Variants in NECTIN2 observed in about 807,000 individuals in gnomAD.
The protein encoded by NECTIN2 is nectin cell adhesion molecule 2.
In NECTIN2, 23 loss-of-function variants were observed where a neutral mutation model predicts 56.9. That is an observed-to-expected ratio of 0.40 (90% CI 0.29 to 0.57). The LOEUF (loss-of-function observed/expected upper bound fraction) is 0.57. NECTIN2 is among the 20% of genes least tolerant of loss of function. The probability of loss-of-function intolerance (pLI) is 0.38; values close to 1 mark genes in which losing one functional copy is unlikely to be tolerated. For synonymous variants in NECTIN2, 302 were observed against 313.8 expected, an observed-to-expected ratio of 0.96 and a Z score of 0.40; for missense variants, 587 against 718.3, an observed-to-expected ratio of 0.82 and a Z score of 2.09.
Position 44,858,473 on chromosome 19 carries a change from C to T in NECTIN2, c.89-6798C>T, listed in dbSNP as rs2122644545. On this transcript the variant is annotated intron_variant, in intron 1 of 8. Coordinates refer to ENST00000252483, the MANE Select transcript of NECTIN2 (RefSeq NM_001042724.2). ...AAGTAGCTGGGAATACAGGGGCCCG[C>T]CACCACGCCCAGCTAATTTTTGTAT... 1.3e-5 allele frequency among the ~76,000 whole-genome samples: 2 copies of T among 152,214 alleles called. 1 individual carries two copies. Among genetic ancestry groups the T allele is most frequent in the Middle Eastern group, 6.8e-3 (2 of 294 alleles).
intron 1 of NECTIN2, among the ~76,000 whole-genome samples, chr19:44,860,674 T>G (rs1969021665): frequency 6.6e-6 from 1 of 151,868 alleles, no homozygotes; most frequent in Non-Finnish European, 1.5e-5. Flanking sequence ...TCTCACTTTA[T>G]CACCCAAGCT....
rs1473352674 is a variant in NECTIN2, at chr19:44,865,123, G to A, written c.89-148G>A. On this transcript the variant is annotated intron_variant, in intron 1 of 8. Transcript: ENST00000252483. The surrounding 1 kb of genome is among the most constrained non-coding windows in gnomAD (Gnocchi z 5.2). ...TTCCCTAAAATGTCTTTTCCAGGTG[G>A]CTTTTTTGGAATCAGGATGCTGCGA... is the stretch of plus-strand genomic sequence containing the variant. The A allele has an allele frequency of 2.7e-6, 2 of 753,562 alleles. No homozygotes were observed. The highest frequency in any genetic ancestry group is 4.3e-6 in the Non-Finnish European group (2 of 467,266). The allele number at this position is 753,562 out of a possible 1,614,324, so 46.7% of individuals were successfully genotyped here.
intron 1 of NECTIN2, among the ~76,000 whole-genome samples, chr19:44,863,907 A>C (rs1289660094): frequency 1.3e-5 from 2 of 151,412 alleles, no homozygotes; most frequent in African/African-American, 2.4e-5. Context: ...TAGGAAGGTG[A>C]GAGAAAGTAT....
Position 44,850,917 on chromosome 19 carries a change from T to A in NECTIN2, c.88+4304T>A, listed in dbSNP as rs2122626372. On this transcript the variant is annotated intron_variant, in intron 1 of 8. Coordinates refer to ENST00000252483, the MANE Select transcript of NECTIN2 (RefSeq NM_001042724.2). ...ACGTGCCTTGCCATGGGAGGCTGGG[T>A]CGCTGTGCTTTATAGATCTGCGGGG... 2.6e-5 allele frequency among the ~76,000 whole-genome samples: 4 copies of A among 152,202 alleles called. No homozygotes were observed. In the South Asian group the frequency reaches 8.3e-4, roughly 32 times the overall value.
At position 44,871,917 on chromosome 19, in the gene NECTIN2, C is replaced by T; in HGVS notation, c.543C>T (p.Ala181=). Residue 181 remains alanine, a synonymous_variant, in exon 3 of 9, where the codon GCC becomes GCT. Coordinates refer to ENST00000252483, the MANE Select transcript of NECTIN2 (RefSeq NM_001042724.2). ...VTFSQDPTTV[A]LCISKEGRPP... is the part of the protein sequence containing the mutation. ...TCAGCCAGGACCCTACGACAGTGGC[C>T]CTCTGCATCTCCAAAGAGGGCCGCC... 6.2e-7 allele frequency: 1 copy of T among 1,614,186 alleles called. No individual in the cohort carries two copies.
rs535874434 is a variant in NECTIN2 at position 44,874,632 on chromosome 19, C to T, written c.1042+154C>T. 1 of 919,796 alleles carries T rather than the reference C, an allele frequency of 1.1e-6. No homozygotes were observed. The highest frequency in any genetic ancestry group is 1.6e-6 in the Non-Finnish European group (1 of 614,036). The allele number at this position is 919,796 out of a possible 1,614,324, so 57.0% of individuals were successfully genotyped here. On this transcript the variant is annotated intron_variant, in intron 5 of 8. Transcript: ENST00000252483. The surrounding 1 kb of genome is among the most constrained non-coding windows in gnomAD (Gnocchi z 6.3). The stretch of plus-strand genomic sequence containing the variant: ...TGAGGGGAGATGAGGGTTGGCCTTC[C>T]CCTCGTGGCCTCAGACTGGGGTCTG...
Position 44,846,930 on chromosome 19 carries a change from G to A in NECTIN2, c.88+317G>A, listed in dbSNP as rs570648823. Among the ~76,000 whole-genome samples, 6 of 151,944 alleles carry A rather than the reference G, an allele frequency of 3.9e-5. No individual in the cohort carries two copies. In the South Asian group the frequency reaches 6.3e-4, roughly 16 times the overall value. Reference sequence around the variant, plus strand: ...GCCGAAAGGGTTAAATCCCAGGAAGGCCTGGTGCCCCCTCCCCACCCCGCG... The same window carrying A: ...GCCGAAAGGGTTAAATCCCAGGAAGACCTGGTGCCCCCTCCCCACCCCGCG... On this transcript the variant is annotated intron_variant, in intron 1 of 8. Coordinates refer to ENST00000252483, the MANE Select transcript of NECTIN2 (RefSeq NM_001042724.2).
chr19:44,881,990 G>GT (rs1969312962), intron 5 of NECTIN2: 1 of 389,428 alleles, frequency 2.6e-6, no homozygotes, highest in Non-Finnish European at 4.5e-6. Flanking sequence ...TTCCATGAAG[G>GT]TAGACACTTT....
intron 2 of NECTIN2, among the ~76,000 whole-genome samples, chr19:44,868,577 A>G (rs1599918795): frequency 6.7e-6 from 1 of 149,456 alleles, no homozygotes; most frequent in Admixed American, 6.8e-5. Flanking sequence ...CATAGCTGGG[A>G]TTACAGGCAT....
At position 44,872,149 on chromosome 19, in the gene NECTIN2, T is replaced by C. The variant is rs773657977; in HGVS notation, c.775T>C (p.Tyr259His). ...ALIPVTLSVR[Y>H]PPEVSISGYD... ...GATACCTGTGACCCTCTCTGTACGC[T>C]GTGAGTGTATCGGGGGTGACCCCTC... The change falls in exon 3 of 9, where the codon TAC becomes CAC. Residue 259 changes from tyrosine (Y) to histidine (H), a missense_variant and splice_region_variant. Physicochemically the swap from Tyr to His is moderately conservative, Grantham distance 83 (BLOSUM62 2). Transcript: ENST00000252483. 2.2e-5 allele frequency: 36 copies of C among 1,611,396 alleles called. No homozygotes were observed. The South Asian group carries it at 4.0e-4, about 18-fold the overall frequency.
At chr19:44,854,483 G>A (rs1056888981) in intron 1 of NECTIN2, among the ~76,000 whole-genome samples, 1 of 152,142 alleles carries the variant, frequency 6.6e-6, no homozygotes, top group Non-Finnish European at 1.5e-5. Context: ...GAAGATCTGG[G>A]CCCCTGGAAG....
intron 1 of NECTIN2, among the ~76,000 whole-genome samples, chr19:44,861,551 T>C (rs1330760580): frequency 1.3e-5 from 2 of 152,094 alleles, no homozygotes; most frequent in East Asian, 3.8e-4. Flanking sequence ...AAAGAAACTA[T>C]CCTCAGAGTG....
At chr19:44,867,021 A>AT (rs892400871) in intron 2 of NECTIN2, among the ~76,000 whole-genome samples, 198 of 146,828 alleles carry the variant, frequency 1.3e-3, no homozygotes, top group Middle Eastern at 3.6e-3. Context: ...GACAAAAAAA[A>AT]TTTTTTTTTT....
chr19:44,846,726 T>G, intron 1 of NECTIN2, 113 bp downstream of exon 1: 1 of 1,146,288 alleles, frequency 8.7e-7, no homozygotes, highest in Non-Finnish European at 1.1e-6. Context: ...GAGCCCCCTC[T>G]CGCGTGCCCC....
intron 1 of NECTIN2, among the ~76,000 whole-genome samples, chr19:44,863,931 G>A (rs1969063025): frequency 6.6e-6 from 1 of 151,712 alleles, no homozygotes; most frequent in Non-Finnish European, 1.5e-5. Flanking sequence ...ACTGAGGGGG[G>A]ATGAAGACAA....
At chr19:44,880,171 C>T (rs529183775) in intron 5 of NECTIN2, among the ~76,000 whole-genome samples, 1 of 152,318 alleles carries the variant, frequency 6.6e-6, no homozygotes, top group African/African-American at 2.4e-5. Context: ...TGTTTGTTGT[C>T]TGTACTCACC....
At chr19:44,872,629 A>G (rs1181463314) in intron 3 of NECTIN2, among the ~76,000 whole-genome samples, 1 of 151,922 alleles carries the variant, frequency 6.6e-6, no homozygotes, top group Non-Finnish European at 1.5e-5. Context: ...TAGATCAATC[A>G]TGCTGGGCCA....
intron 1 of NECTIN2, among the ~76,000 whole-genome samples, chr19:44,861,316 A>G (rs1188989938): frequency 6.6e-6 from 1 of 152,232 alleles, no homozygotes; most frequent in African/African-American, 2.4e-5. Flanking sequence ...AGGAAAAGAC[A>G]TCATTATATC....
At chr19:44,887,024 A>C (rs1568601597) in intron 8 of NECTIN2, among the ~76,000 whole-genome samples, 1 of 151,966 alleles carries the variant, frequency 6.6e-6, no homozygotes, top group African/African-American at 2.4e-5. Flanking sequence ...TCAAAAAAAA[A>C]AAAAAAGAGG....
Sources: allele counts gnomAD v4.1 joint callset (sites outside exome capture counted in the v4.1 genomes callset), GRCh38; gene constraint gnomAD v4.1.1; non-coding constraint Gnocchi (gnomAD v3.1); transcripts MANE v1.5; gene names NCBI Gene and HGNC (gene_info 2026-07-23, HGNC 2026-07-21).